The following SPINK9 variants were observed in gnomAD, a reference collection of about 807,000 sequenced individuals.
SPINK9 encodes serine protease inhibitor Kazal-type 9.
SPINK9 carries 3 observed loss-of-function variants against 10.8 expected under a neutral mutation model. The observed-to-expected ratio is 0.28, with a 90% CI of 0.13 to 0.72. The LOEUF is 0.72. Among genes scored for constraint, SPINK9 ranks in the 30% least tolerant of loss-of-function variants. The probability of loss-of-function intolerance (pLI) is 0.74; values close to 1 mark genes in which losing one functional copy is unlikely to be tolerated. For missense variants in SPINK9, 101 were observed against 103.2 expected (o/e 0.98, Z 0.09); for synonymous variants, 30 against 31.2 (o/e 0.96, Z 0.12).
intron 2 of SPINK9, chr5:148,323,896 G>A: frequency 1.5e-6 from 1 of 687,542 alleles, no homozygotes; most frequent in Non-Finnish European, 2.6e-6. Context: ...GTAATTTAAT[G>A]TGTATCTAAA....
chr5:148,324,913 C>G (rs959271537), intron 2 of SPINK9, among the ~76,000 whole-genome samples: 17 of 151,976 alleles, frequency 1.1e-4, no homozygotes, highest in African/African-American at 3.9e-4. Context: ...AGAAACTATT[C>G]CCTTAGCAGT....
chr5:148,328,290 T>A (rs1261684932), intron 2 of SPINK9, among the ~76,000 whole-genome samples: 2 of 152,214 alleles, frequency 1.3e-5, no homozygotes, highest in Admixed American at 6.5e-5. Flanking sequence ...AGTTCACTCA[T>A]GATTTGGCTC....
exon 2 of SPINK9, chr5:148,323,817 C>T: frequency 1.4e-6 from 1 of 701,718 alleles, no homozygotes; most frequent in Middle Eastern, 2.3e-4. Context: ...CTCAGGAGAA[C>T]ACAATGAACC....
At chr5:148,325,103 A>G (rs1024994769) in intron 2 of SPINK9, among the ~76,000 whole-genome samples, 1 of 152,134 alleles carries the variant, frequency 6.6e-6, no homozygotes, top group Non-Finnish European at 1.5e-5. Context: ...TGTGGCATGT[A>G]TCAGTATTTC....
intron 2 of SPINK9, among the ~76,000 whole-genome samples, chr5:148,324,895 T>C (rs571539894): frequency 6.6e-6 from 1 of 152,124 alleles, no homozygotes; most frequent in East Asian, 1.9e-4. Flanking sequence ...CATTTCATTA[T>C]ACCAAAAAGA....
intron 2 of SPINK9, among the ~76,000 whole-genome samples, chr5:148,328,658 T>C (rs1427778470): frequency 6.6e-6 from 1 of 152,224 alleles, no homozygotes; most frequent in Non-Finnish European, 1.5e-5. Context: ...ATAGCCCTTA[T>C]TATTTTGAAA....
At chr5:148,330,752 C>T (rs1222203689), upstream of SPINK9, among the ~76,000 whole-genome samples, 1 of 152,096 alleles carries the variant, frequency 6.6e-6, no homozygotes, top group East Asian at 1.9e-4. Flanking sequence ...TTTTATTTCT[C>T]CTTCACTTAT....
intron 1 of SPINK9, among the ~76,000 whole-genome samples, chr5:148,321,883 A>T (rs533574903): frequency 3.9e-5 from 6 of 152,364 alleles, no homozygotes; most frequent in African/African-American, 1.4e-4. Context: ...GTATTTCCTC[A>T]CAATGACTGT....
chr5:148,325,051 G>T (rs1170096883), intron 2 of SPINK9, among the ~76,000 whole-genome samples: 2 of 151,840 alleles, frequency 1.3e-5, no homozygotes, highest in Non-Finnish European at 2.9e-5. Flanking sequence ...TTTGTGTCTG[G>T]CTTCTTTTAC....
intron 2 of SPINK9, among the ~76,000 whole-genome samples, chr5:148,330,449 C>A (rs906602021): frequency 1.3e-4 from 20 of 152,164 alleles, no homozygotes; most frequent in African/African-American, 4.6e-4. Context: ...TGGGTCTTGA[C>A]TCTTTATCCA....
intron 1 of SPINK9, 57 bp downstream of exon 1, chr5:148,335,725 C>A (rs1757208772): frequency 6.4e-7 from 1 of 1,561,402 alleles, no homozygotes; most frequent in Non-Finnish European, 8.8e-7. Context: ...ATGCAGTCTT[C>A]TGCCTATGTA....
In SPINK9 at chr5:148,338,545, C is replaced by T. The variant is rs1261227865; in HGVS notation, c.155C>T (p.Pro52Leu). 1 of 1,608,292 alleles carries T rather than the reference C, an allele frequency of 6.2e-7. No homozygotes were observed. The highest frequency in any genetic ancestry group is 1.7e-5 in the Admixed American group (1 of 59,734). The stretch of plus-strand genomic sequence containing the variant: ...AGATTTTGTCATCATATGTATGATC[C>T]AATTTGTGGATCTGATGGCAAAACT... ...QQRFCHHMYD[P>L]ICGSDGKTYK... Residue 52 changes from proline to leucine, a missense_variant, in exon 3 of 4, where the codon CCA (proline) becomes CTA (leucine). Pro to Leu is a moderately conservative substitution (Grantham distance 98). Coordinates refer to ENST00000377906, the MANE Select transcript of SPINK9 (RefSeq NM_001040433.2).
At position 148,338,498 on chromosome 5, in the gene SPINK9, A is replaced by G; in HGVS notation, c.108A>G (p.Lys36=). 1 of 1,604,320 alleles carries G rather than the reference A, an allele frequency of 6.2e-7. No individual in the cohort carries two copies. The highest frequency in any genetic ancestry group is 8.5e-7 in the Non-Finnish European group (1 of 1,176,750). The part of the protein sequence containing the change: ...TKQMVDCSHY[K]KLPPGQQRFC... ...TTCAGGTTGACTGCAGTCATTATAA[A>G]AAGTTACCACCAGGACAACAGAGAT... The change falls in exon 3 of 4, where the codon AAA becomes AAG. Residue 36 remains lysine (K), a synonymous_variant. Transcript: ENST00000377906.
chr5:148,333,316 G>C (rs1217242576), upstream of SPINK9, among the ~76,000 whole-genome samples: 2 of 152,178 alleles, frequency 1.3e-5, no homozygotes, highest in African/African-American at 2.4e-5. Flanking sequence ...AGCCAAGGAG[G>C]GTTCTTGGTT....
upstream of SPINK9, chr5:148,335,466 T>A (rs1273233372): frequency 1.8e-5 from 11 of 628,160 alleles, no homozygotes; most frequent in African/African-American, 1.5e-4. Flanking sequence ...ATTTCTGACC[T>A]CTTTCTGGAG....
chr5:148,333,453 T>C (rs1757176373), upstream of SPINK9, among the ~76,000 whole-genome samples: 1 of 152,260 alleles, frequency 6.6e-6, no homozygotes. Context: ...CCATAGGCAG[T>C]GTGCCCAGAG....
chr5:148,323,795 T>C, exon 2 of SPINK9: 3 of 701,274 alleles, frequency 4.3e-6, no homozygotes, highest in Non-Finnish European at 7.8e-6. Flanking sequence ...ATTATAAAAC[T>C]CCACCAAGCA....
intron 2 of SPINK9, among the ~76,000 whole-genome samples, chr5:148,329,137 A>C: frequency 6.6e-6 from 1 of 151,972 alleles, no homozygotes; most frequent in South Asian, 2.1e-4. Context: ...CTGGTCCTGG[A>C]CTTTTTTTTG....
chr5:148,336,405 C>CT lies in SPINK9; in HGVS notation c.56-14dup, dbSNP rs759106502. The CT allele has an allele frequency of 8.1e-6, 13 of 1,612,944 alleles. No homozygotes were observed. In the African/African-American group the frequency reaches 1.1e-4, roughly 13 times the overall value. ...CTTCCAGAGTTTAATATTGCCTTGT[C>CT]TTTGTTTTTCTTCCAGGTATAGAAT... On this transcript the variant is annotated splice_polypyrimidine_tract_variant and intron_variant, in intron 1 of 3. Coordinates refer to ENST00000377906, the MANE Select transcript of SPINK9 (RefSeq NM_001040433.2).
Sources: allele counts gnomAD v4.1 joint callset (sites outside exome capture counted in the v4.1 genomes callset), GRCh38; gene constraint gnomAD v4.1.1; transcripts MANE v1.5; gene names NCBI Gene and HGNC (gene_info 2026-07-23, HGNC 2026-07-21).